Variants in HIC1 observed in about 807,000 individuals in gnomAD.
HIC1 encodes HIC ZBTB transcriptional repressor 1, also known as hypermethylated in cancer 1 protein.
A neutral mutation model predicts 26.4 loss-of-function variants in HIC1; 9 were observed. The ratio of observed to expected loss-of-function variants is 0.34; its 90% CI spans 0.21 to 0.59. The LOEUF is 0.59. HIC1 is among the 20% of genes least tolerant of loss of function. The pLI, the probability that HIC1 is intolerant of heterozygous loss-of-function variation, is 0.82. For synonymous variants in HIC1, 631 were observed against 523.1 expected (o/e 1.21, Z -2.81); for missense variants, 965 against 1,075.7 (o/e 0.90, Z 1.44).
chr17:2,056,302 C>T (rs200736992), intron 1 of HIC1: 5 of 1,612,644 alleles, frequency 3.1e-6, no homozygotes, highest in Non-Finnish European at 4.2e-6. Flanking sequence ...TAAAGTTCTC[C>T]GCCCTGAATG....
rs1166395385 is a variant in HIC1, at chr17:2,058,028, G to A, written c.1338G>A (p.Ala446=). The part of the protein sequence containing the change: ...HVEAHVEEEE[A]LYGRAEAAEV... ...AGGCTCACGTGGAGGAGGAGGAAGCGCTGTACGGCAGGGCCGAGGCGGCCG... is the reference window on the plus strand; with the variant it reads ...AGGCTCACGTGGAGGAGGAGGAAGCACTGTACGGCAGGGCCGAGGCGGCCG... Residue 446 remains alanine, a synonymous_variant, in exon 2 of 2, where the codon GCG becomes GCA. Coordinates refer to ENST00000619757, the MANE Select transcript of HIC1 (RefSeq NM_006497.4). The A allele has an allele frequency of 1.1e-5, 17 of 1,596,908 alleles. No homozygotes were observed. Among genetic ancestry groups the A allele is most frequent in the Non-Finnish European group, 1.4e-5 (17 of 1,172,654 alleles).
In HIC1 at chr17:2,058,834, A is replaced by G; in HGVS notation, c.2144A>G (p.Ter715TrpextTer72). 2 of 1,459,028 alleles carry G rather than the reference A, an allele frequency of 1.4e-6. No homozygotes were observed. Among genetic ancestry groups the G allele is most frequent in the Non-Finnish European group, 1.8e-6 (2 of 1,110,550 alleles). 90.4% of individuals were successfully genotyped at this position (1,459,028 alleles called of 1,614,324 possible). A position where few individuals can be genotyped will look rare whatever the true frequency, so the allele number is the denominator to read the frequency against. The change falls in exon 2 of 2, where the codon TAG becomes TGG. Residue 715 changes from the stop codon to tryptophan, a stop_lost. Transcript: ENST00000619757. ...GRTIDRFSPT[*>W] Reference sequence around the variant, plus strand: ...ACCATCGACCGTTTCTCTCCCACCTAGAGCGCCCCTCGCCAGCCCGCTCTG... The same window carrying G: ...ACCATCGACCGTTTCTCTCCCACCTGGAGCGCCCCTCGCCAGCCCGCTCTG...
Position 2,058,377 on chromosome 17 carries a change from A to G in HIC1, c.1687A>G (p.Met563Val). Residue 563 changes from methionine (M) to valine (V), a missense_variant, in exon 2 of 2, where the codon ATG becomes GTG. Met to Val is a conservative substitution (Grantham distance 21, BLOSUM62 1). Transcript: ENST00000619757. ...GCGCCAGTACCGCCTCACGGAGCACATGCGCATCCACTCGGGCGAGAAGCC... is the reference window on the plus strand; with the variant it reads ...GCGCCAGTACCGCCTCACGGAGCACGTGCGCATCCACTCGGGCGAGAAGCC... Reference protein sequence around the residue: ...FTRQYRLTEHMRIHSGEKPYE... With the variant: ...FTRQYRLTEHVRIHSGEKPYE... The G allele has an allele frequency of 6.2e-7, 1 of 1,610,860 alleles. No individual in the cohort carries two copies. The highest frequency in any genetic ancestry group is 8.5e-7 in the Non-Finnish European group (1 of 1,179,064).
Position 2,059,939 on chromosome 17 carries a change from C to A in HIC1, c.*1104C>A, listed in dbSNP as rs1251944383. ...GTCTCCCTCCCGACCACCCAGTCAT[C>A]GGCCTTCCAGCTGGGGAGAGAATCT... is the stretch of plus-strand genomic sequence containing the variant. On this transcript the variant is annotated 3_prime_UTR_variant, in exon 2 of 2. Coordinates refer to ENST00000619757, the MANE Select transcript of HIC1 (RefSeq NM_006497.4). The A allele has an allele frequency of 6.5e-6, 1 of 153,012 alleles. No homozygotes were observed. The highest frequency in any genetic ancestry group is 2.4e-5 in the African/African-American group (1 of 41,456). 9.5% of individuals were successfully genotyped at this position (153,012 alleles called of 1,614,324 possible). A position where few individuals can be genotyped will look rare whatever the true frequency, so the allele number is the denominator to read the frequency against.
rs1304605510 is a variant in HIC1, at chr17:2,058,940, A to G, written c.*105A>G. ...GGCCCACTGTGCCCGGGACAACCGC[A>G]GCGTCGCCACAGTGGCGGCTCCACC... On this transcript the variant is annotated 3_prime_UTR_variant, in exon 2 of 2. Coordinates refer to ENST00000619757, the MANE Select transcript of HIC1 (RefSeq NM_006497.4). The G allele has an allele frequency of 1.9e-6, 2 of 1,051,392 alleles. No homozygotes were observed. The highest frequency in any genetic ancestry group is 2.6e-6 in the Non-Finnish European group (2 of 778,942). The allele number at this position is 1,051,392 out of a possible 1,614,324, so 65.1% of individuals were successfully genotyped here. A position where few individuals can be genotyped will look rare whatever the true frequency, so the allele number is the denominator to read the frequency against.
Position 2,058,937 on chromosome 17 carries a change from C to T in HIC1, c.*102C>T, listed in dbSNP as rs2067704924. 1 of 1,065,702 alleles carries T rather than the reference C, an allele frequency of 9.4e-7. No homozygotes were observed. Among genetic ancestry groups the T allele is most frequent in the African/African-American group, 1.7e-5 (1 of 59,456 alleles). The allele number at this position is 1,065,702 out of a possible 1,614,324, so 66.0% of individuals were successfully genotyped here. On this transcript the variant is annotated 3_prime_UTR_variant, in exon 2 of 2. Transcript: ENST00000619757. ...CAGGGCCCACTGTGCCCGGGACAAC[C>T]GCAGCGTCGCCACAGTGGCGGCTCC...
In HIC1 at chr17:2,058,683, C is replaced by T. The variant is rs779011742; in HGVS notation, c.1993C>T (p.Pro665Ser). The T allele has an allele frequency of 1.9e-5, 29 of 1,554,408 alleles. No individual in the cohort carries two copies. The highest frequency in any genetic ancestry group is 5.2e-6 in the Non-Finnish European group (6 of 1,155,046). Residue 665 changes from proline (P) to serine (S), a missense_variant, in exon 2 of 2, where the codon CCC becomes TCC. Physicochemically the swap from Pro to Ser is moderately conservative, Grantham distance 74. Coordinates refer to ENST00000619757, the MANE Select transcript of HIC1 (RefSeq NM_006497.4). The part of the protein sequence containing the change: ...LAQTTHFLHD[P>S]KVALESLYPL... ...GCAGACCACGCACTTCCTGCACGACCCCAAGGTGGCGCTGGAGAGCCTCTA... is the reference window on the plus strand; with the variant it reads ...GCAGACCACGCACTTCCTGCACGACTCCAAGGTGGCGCTGGAGAGCCTCTA...
rs1186577844 is a variant in HIC1, at chr17:2,058,635, G to A, written c.1945G>A (p.Ala649Thr). 1.3e-6 allele frequency: 2 copies of A among 1,563,704 alleles called. No homozygotes were observed. The highest frequency in any genetic ancestry group is 1.7e-6 in the Non-Finnish European group (2 of 1,161,612). The stretch of plus-strand genomic sequence containing the variant: ...GCTGAGCCTGAAGCAGCAGGACAAG[G>A]CGGCCGCGGCCGAGCTGCTGGCGCA... ...EQLSLKQQDK[A>T]AAAELLAQTT... Residue 649 changes from alanine (A) to threonine (T), a missense_variant, in exon 2 of 2, where the codon GCG becomes ACG. Physicochemically the swap from Ala to Thr is moderately conservative, Grantham distance 58. Around this residue, in one of 6 missense-constraint regions of HIC1, gnomAD observed 210 missense variants for 179.2 expected, o/e 1.17. Coordinates refer to ENST00000619757, the MANE Select transcript of HIC1 (RefSeq NM_006497.4).
Position 2,061,753 on chromosome 17 carries a change from T to A in HIC1, c.*2918T>A. ...AGCCGTGTCTTGGCTCTTCTACCAG[T>A]CCTTTCCTCCGTCCGGGCTCTCAGC... On this transcript the variant is annotated 3_prime_UTR_variant, in exon 2 of 2. Coordinates refer to ENST00000619757, the MANE Select transcript of HIC1 (RefSeq NM_006497.4). The A allele has an allele frequency of 1.9e-6, 2 of 1,065,036 alleles. No individual in the cohort carries two copies. The highest frequency in any genetic ancestry group is 1.4e-6 in the Non-Finnish European group (1 of 739,856). The allele number at this position is 1,065,036 out of a possible 1,614,324, so 66.0% of individuals were successfully genotyped here.
Position 2,058,073 on chromosome 17 carries a change from C to G in HIC1, c.1383C>G (p.Ala461=), listed in dbSNP as rs771619699. 4 of 1,581,398 alleles carry G rather than the reference C, an allele frequency of 2.5e-6. No homozygotes were observed. Among genetic ancestry groups the G allele is most frequent in the African/African-American group, 1.3e-5 (1 of 74,130 alleles). The part of the protein sequence containing the change: ...AEAAEVAAGA[A]GLGPPFGGGG... ...CGGCCGAAGTGGCCGCTGGGGCCGC[C>G]GGCCTAGGGCCCCCTTTTGGAGGCG... The change falls in exon 2 of 2, where the codon GCC becomes GCG. Residue 461 remains alanine, a synonymous_variant. Transcript: ENST00000619757.
In HIC1 at chr17:2,061,545, T is replaced by C; in HGVS notation, c.*2710T>C. ...GCTGGGATGTCCCGTACAGGAACAT[T>C]CCTTGTGAGCGCCTTCACACGCAGG... On this transcript the variant is annotated 3_prime_UTR_variant, in exon 2 of 2. Transcript: ENST00000619757. 6.3e-7 allele frequency: 1 copy of C among 1,575,050 alleles called. No individual in the cohort carries two copies. Among genetic ancestry groups the C allele is most frequent in the Non-Finnish European group, 8.6e-7 (1 of 1,159,904 alleles).
Position 2,057,858 on chromosome 17 carries a change from C to G in HIC1, c.1168C>G (p.Pro390Ala), listed in dbSNP as rs930834471. The stretch of plus-strand genomic sequence containing the variant: ...CGAGGAGACCGGTAGCAGCGAGGAC[C>G]CCAGCCCGCCTGGCGGCCACCTCGA... ...SSEETGSSED[P>A]SPPGGHLEGY... The change falls in exon 2 of 2, where the codon CCC becomes GCC. Residue 390 changes from proline (P) to alanine (A), a missense_variant. This residue lies in a region of HIC1 where 526 missense variants were observed against 525.0 expected (regional missense o/e 1.00). Transcript: ENST00000619757. 11 of 1,591,038 alleles carry G rather than the reference C, an allele frequency of 6.9e-6. No individual in the cohort carries two copies. Among genetic ancestry groups the G allele is most frequent in the Non-Finnish European group, 9.4e-6 (11 of 1,169,962 alleles).
rs1248540607 is a variant in HIC1, at chr17:2,057,218, TCCG to T, written c.537_539del (p.Pro180del). On this transcript the variant is annotated inframe_deletion, in exon 2 of 2. Coordinates refer to ENST00000619757, the MANE Select transcript of HIC1 (RefSeq NM_006497.4). The stretch of plus-strand genomic sequence containing the variant: ...CCTGCTACCCGTCCCCAGTCGGGCC[TCCG>T]CCGCCGCCTGCCGCGGAGCCGCCCT... 4 of 1,400,478 alleles carry T rather than the reference TCCG, an allele frequency of 2.9e-6. No individual in the cohort carries two copies. Among genetic ancestry groups the T allele is most frequent in the Middle Eastern group, 2.6e-4 (1 of 3,892 alleles). The allele number at this position is 1,400,478 out of a possible 1,614,324, so 86.8% of individuals were successfully genotyped here. A position where few individuals can be genotyped will look rare whatever the true frequency, so the allele number is the denominator to read the frequency against.
rs530556522 is a variant in HIC1 at position 2,061,844 on chromosome 17, C to T, written c.*3009C>T. 1.9e-6 allele frequency: 1 copy of T among 528,362 alleles called. No individual in the cohort carries two copies. Among genetic ancestry groups the T allele is most frequent in the East Asian group, 3.4e-5 (1 of 29,214 alleles). 32.7% of individuals were successfully genotyped at this position (528,362 alleles called of 1,614,324 possible). On this transcript the variant is annotated 3_prime_UTR_variant, in exon 2 of 2. Coordinates refer to ENST00000619757, the MANE Select transcript of HIC1 (RefSeq NM_006497.4). ...GGGCTTCTGCCTTGACTCCGGCCTC[C>T]CATACAGGACTCTCTTCTGCCTAGT...
At position 2,058,763 on chromosome 17, in the gene HIC1, G is replaced by C. The variant is rs577957580; in HGVS notation, c.2073G>C (p.Glu691Asp). The C allele has an allele frequency of 4.9e-5, 75 of 1,524,522 alleles. No homozygotes were observed. Among genetic ancestry groups the C allele is most frequent in the Admixed American group, 8.1e-5 (4 of 49,472 alleles). The allele number at this position is 1,524,522 out of a possible 1,614,324, so 94.4% of individuals were successfully genotyped here. A position where few individuals can be genotyped will look rare whatever the true frequency, so the allele number is the denominator to read the frequency against. ...GCCTCAGCCCCGACAAGGCGGCCGA[G>C]GTGCTGAGCCAGGGCGCTCACCTGG... Reference protein sequence around the residue: ...ELGLSPDKAAEVLSQGAHLAA... With the variant: ...ELGLSPDKAADVLSQGAHLAA... Residue 691 changes from glutamate (E) to aspartate (D), a missense_variant, in exon 2 of 2, where the codon GAG becomes GAC. Physicochemically the swap from Glu to Asp is conservative, Grantham distance 45. This residue lies in a region of HIC1 where 210 missense variants were observed against 179.2 expected (regional missense o/e 1.17). Coordinates refer to ENST00000619757, the MANE Select transcript of HIC1 (RefSeq NM_006497.4).
chr17:2,056,520 A>G, intron 1 of HIC1, 151 bp from the exon 2 acceptor site: 1 of 1,345,752 alleles, frequency 7.4e-7, no homozygotes, highest in East Asian at 2.5e-5. Context: ...CCCACTCCAG[A>G]GGGCAGCCGG....
In HIC1 at chr17:2,057,360, G is replaced by A. The variant is rs1276683798; in HGVS notation, c.670G>A (p.Asp224Asn). 2 of 1,485,912 alleles carry A rather than the reference G, an allele frequency of 1.3e-6. No individual in the cohort carries two copies. The highest frequency in any genetic ancestry group is 2.5e-5 in the South Asian group (2 of 79,766). The allele number at this position is 1,485,912 out of a possible 1,614,324, so 92.0% of individuals were successfully genotyped here. Residue 224 changes from aspartate (D) to asparagine (N), a missense_variant, in exon 2 of 2, where the codon GAC (aspartate) becomes AAC (asparagine). Asp to Asn is a conservative substitution (Grantham distance 23). Around this residue, in one of 6 missense-constraint regions of HIC1, gnomAD observed 526 missense variants for 525.0 expected, o/e 1.00. Coordinates refer to ENST00000619757, the MANE Select transcript of HIC1 (RefSeq NM_006497.4). ...CCGCTGCTCCCCTCTTTGTGGCCTGGACCTGTCCAAGAAGAGCCCGCCGGG... is the reference window on the plus strand; with the variant it reads ...CCGCTGCTCCCCTCTTTGTGGCCTGAACCTGTCCAAGAAGAGCCCGCCGGG... ...ERRCSPLCGL[D>N]LSKKSPPGSA...
At position 2,062,479 on chromosome 17, in the gene HIC1, ATC is replaced by A. The variant is rs2067811564; in HGVS notation, c.*3646_*3647del. The stretch of plus-strand genomic sequence containing the variant: ...AAGGTCTTGCTATAGTGGCACAGAT[ATC>A]TTTCATTCTTTTTAGATGACTTTTT... On this transcript the variant is annotated 3_prime_UTR_variant, in exon 2 of 2. Transcript: ENST00000619757. 2 of 151,110 alleles carry A rather than the reference ATC, an allele frequency of 1.3e-5. No homozygotes were observed. Among genetic ancestry groups the A allele is most frequent in the Admixed American group, 6.7e-5 (1 of 15,032 alleles). 9.4% of individuals were successfully genotyped at this position (151,110 alleles called of 1,614,324 possible). A position where few individuals can be genotyped will look rare whatever the true frequency, so the allele number is the denominator to read the frequency against.
In HIC1 at chr17:2,062,885, T is replaced by C. The variant is rs963248090; in HGVS notation, c.*4050T>C. On this transcript the variant is annotated 3_prime_UTR_variant, in exon 2 of 2. Coordinates refer to ENST00000619757, the MANE Select transcript of HIC1 (RefSeq NM_006497.4). ...ATTCGGGAGGGAGAGGTTTGTGGGG[T>C]TGGTGGTGGCGAGAGAAGAGGACAG... 6 of 151,298 alleles carry C rather than the reference T, an allele frequency of 4.0e-5. No individual in the cohort carries two copies. Among genetic ancestry groups the C allele is most frequent in the African/African-American group, 1.5e-4 (6 of 41,018 alleles). 9.4% of individuals were successfully genotyped at this position (151,298 alleles called of 1,614,324 possible).
Sources: allele counts gnomAD v4.1 joint callset, GRCh38; gene constraint gnomAD v4.1.1; regional missense constraint gnomAD v4.1.1; transcripts MANE v1.5; gene names NCBI Gene and HGNC (gene_info 2026-07-23, HGNC 2026-07-21).